The following SRXN1 variants were observed in gnomAD, a reference collection of about 807,000 sequenced individuals.
SRXN1 encodes the protein sulfiredoxin-1.
Under a neutral mutation model 11.0 loss-of-function variants are expected in SRXN1, and 11 were observed. That is an observed-to-expected ratio of 1.00 (90% CI 0.63 to 1.65). The LOEUF is 1.65. SRXN1 is among the 40% of genes most tolerant of loss of function. The pLI is 0.00. For synonymous variants in SRXN1, 106 were observed against 92.8 expected (o/e 1.14, Z -0.82); for missense variants, 211 against 194.5 (o/e 1.08, Z -0.50).
intron 1 of SRXN1, among the ~76,000 whole-genome samples, chr20:650,781 C>A (rs2008022): frequency 0.21 from 31,279 of 152,170 alleles, 4,178 homozygotes; most frequent in East Asian, 0.48. Flanking sequence ...TGAGCTGATG[C>A]CTACCGGGCA....
chr20:653,029 G>A lies in SRXN1; in HGVS notation c.157C>T (p.Leu53=), dbSNP rs1372242017. The A allele has an allele frequency of 7.6e-6, 12 of 1,571,808 alleles. No homozygotes were observed. In the East Asian group the frequency reaches 1.9e-4, roughly 25 times the overall value. The change falls in exon 1 of 2, where the codon CTG becomes TTG. Residue 53 remains leucine (L), a synonymous_variant. Coordinates refer to ENST00000381962, the MANE Select transcript of SRXN1 (RefSeq NM_080725.3). ...NVPLSVLIRP[L]PSVLDPAKVQ... Reference sequence around the variant, plus strand: ...TTGGCGGGGTCCAACACGGACGGCAGCGGCCGGATGAGCACGCTCAGCGGC... The same window carrying A: ...TTGGCGGGGTCCAACACGGACGGCAACGGCCGGATGAGCACGCTCAGCGGC...
Position 648,199 on chromosome 20 carries a change from C to T in SRXN1, c.*515G>A, listed in dbSNP as rs565220131. On this transcript the variant is annotated 3_prime_UTR_variant, in exon 2 of 2. Coordinates refer to ENST00000381962, the MANE Select transcript of SRXN1 (RefSeq NM_080725.3). ...CAGCCATCTTGGGACCATGAAGTAA[C>T]GAGCACTGAGATTAAGGCAAAAGGA... The T allele has an allele frequency of 2.6e-4, 117 of 456,296 alleles. No individual in the cohort carries two copies. The highest frequency in any genetic ancestry group is 1.9e-3 in the African/African-American group (95 of 50,186). 28.3% of individuals were successfully genotyped at this position (456,296 alleles called of 1,614,324 possible). A position where few individuals can be genotyped will look rare whatever the true frequency, so the allele number is the denominator to read the frequency against.
Position 652,497 on chromosome 20 carries a change from A to C in SRXN1, c.210+479T>G, listed in dbSNP as rs192665415. Among the ~76,000 whole-genome samples the C allele has an allele frequency of 2.4e-4, 36 of 152,236 alleles. No individual in the cohort carries two copies. In the East Asian group the frequency reaches 6.6e-3, roughly 28 times the overall value. ...CCTAGTCCCACTGTCACTGACTGTC[A>C]CAGCCATGAGAGCCCACGGCTTATC... On this transcript the variant is annotated intron_variant, in intron 1 of 1. Coordinates refer to ENST00000381962, the MANE Select transcript of SRXN1 (RefSeq NM_080725.3).
chr20:650,240 C>G (rs1983638365), intron 1 of SRXN1, among the ~76,000 whole-genome samples: 1 of 152,070 alleles, frequency 6.6e-6, no homozygotes, highest in Non-Finnish European at 1.5e-5. Context: ...GTGGACAGGG[C>G]ACAGGGCTGG....
At chr20:652,036 A>G (rs1983686425) in intron 1 of SRXN1, among the ~76,000 whole-genome samples, 1 of 152,248 alleles carries the variant, frequency 6.6e-6, no homozygotes, top group Non-Finnish European at 1.5e-5. Context: ...GATGTATAAT[A>G]TAATTTCTGG....
chr20:648,651 C>T lies in SRXN1; in HGVS notation c.*63G>A. Reference sequence around the variant, plus strand: ...CTGCTATCCCTTCTGCATGGCCCAGCCTGCTGGAGGCCAGGTGTGTCTTCT... The same window carrying T: ...CTGCTATCCCTTCTGCATGGCCCAGTCTGCTGGAGGCCAGGTGTGTCTTCT... On this transcript the variant is annotated 3_prime_UTR_variant, in exon 2 of 2. Coordinates refer to ENST00000381962, the MANE Select transcript of SRXN1 (RefSeq NM_080725.3). 6.3e-7 allele frequency: 1 copy of T among 1,582,494 alleles called. No individual in the cohort carries two copies. Among genetic ancestry groups the T allele is most frequent in the African/African-American group, 1.3e-5 (1 of 74,296 alleles).
At position 648,548 on chromosome 20, in the gene SRXN1, G is replaced by T; in HGVS notation, c.*166C>A. The T allele has an allele frequency of 1.4e-6, 1 of 740,428 alleles. No homozygotes were observed. Among genetic ancestry groups the T allele is most frequent in the Non-Finnish European group, 2.3e-6 (1 of 437,218 alleles). The allele number at this position is 740,428 out of a possible 1,614,324, so 45.9% of individuals were successfully genotyped here. A position where few individuals can be genotyped will look rare whatever the true frequency, so the allele number is the denominator to read the frequency against. On this transcript the variant is annotated 3_prime_UTR_variant, in exon 2 of 2. Coordinates refer to ENST00000381962, the MANE Select transcript of SRXN1 (RefSeq NM_080725.3). ...GGAACTGGGGCTCCCACACTGTACA[G>T]TGAGTCCAAGGCCTTGTAGCTGGTG...
intron 1 of SRXN1, among the ~76,000 whole-genome samples, chr20:650,412 A>G (rs1983642841): frequency 6.6e-6 from 1 of 152,082 alleles, no homozygotes; most frequent in African/African-American, 2.4e-5. Flanking sequence ...AAAAGGGAGA[A>G]TCTAAGTTGA....
chr20:648,580 G>A lies in SRXN1; in HGVS notation c.*134C>T. 1 of 981,046 alleles carries A rather than the reference G, an allele frequency of 1.0e-6. No homozygotes were observed. Among genetic ancestry groups the A allele is most frequent in the Non-Finnish European group, 1.6e-6 (1 of 640,178 alleles). 60.8% of individuals were successfully genotyped at this position (981,046 alleles called of 1,614,324 possible). A position where few individuals can be genotyped will look rare whatever the true frequency, so the allele number is the denominator to read the frequency against. ...CAAGGCCTTGTAGCTGGTGAGAGGG[G>A]TGCCCAGAGTCAGACCCTCTCGCCA... On this transcript the variant is annotated 3_prime_UTR_variant, in exon 2 of 2. Coordinates refer to ENST00000381962, the MANE Select transcript of SRXN1 (RefSeq NM_080725.3).
chr20:650,115 G>A (rs922574913), intron 1 of SRXN1, among the ~76,000 whole-genome samples: 6 of 152,206 alleles, frequency 3.9e-5, no homozygotes, highest in Non-Finnish European at 7.3e-5. Context: ...GAGCCAGATG[G>A]TGCAGGTCTG....
Position 647,935 on chromosome 20 carries a change from C to A in SRXN1, c.*779G>T, listed in dbSNP as rs564316547. 3 of 379,426 alleles carry A rather than the reference C, an allele frequency of 7.9e-6. No individual in the cohort carries two copies. Among genetic ancestry groups the A allele is most frequent in the South Asian group, 2.0e-5 (1 of 50,992 alleles). 23.5% of individuals were successfully genotyped at this position (379,426 alleles called of 1,614,324 possible). ...TCTCAGTAGATGGAACACGATTGGT[C>A]TATTCAGCCATGACAATTCTGTTCC... On this transcript the variant is annotated 3_prime_UTR_variant, in exon 2 of 2. Transcript: ENST00000381962.
rs1236600073 is a variant in SRXN1 at position 648,021 on chromosome 20, A to G, written c.*693T>C. On this transcript the variant is annotated 3_prime_UTR_variant, in exon 2 of 2. Transcript: ENST00000381962. ...ATGGTAGCTGGCTCGGGCCAAGGGC[A>G]TCTAAGTGAAGATATGCAGAGGGAG... 2.2e-6 allele frequency: 1 copy of G among 453,862 alleles called. No homozygotes were observed. The highest frequency in any genetic ancestry group is 4.4e-6 in the Non-Finnish European group (1 of 225,386). 28.1% of individuals were successfully genotyped at this position (453,862 alleles called of 1,614,324 possible). A position where few individuals can be genotyped will look rare whatever the true frequency, so the allele number is the denominator to read the frequency against.
At chr20:650,394 G>C (rs985458786) in intron 1 of SRXN1, among the ~76,000 whole-genome samples, 15 of 152,196 alleles carry the variant, frequency 9.9e-5, no homozygotes, top group Non-Finnish European at 2.9e-5. Context: ...TGAATCCAAG[G>C]GCAAGAGAAA....
Position 652,986 on chromosome 20 carries a change from TC to T in SRXN1, c.199del (p.Asp67ThrfsTer59). 1 of 1,544,462 alleles carries T rather than the reference TC, an allele frequency of 6.5e-7. No individual in the cohort carries two copies. Among genetic ancestry groups the T allele is most frequent in the Non-Finnish European group, 8.7e-7 (1 of 1,145,502 alleles). ...LDPAKVQSLV[D>X]TIREDPDSVP... ...TCCCCGAGGCCTCACCCGGATCGTG[TC>T]CACGAGGCTCTGCACCTTGGCGGGG... On this transcript the variant is annotated frameshift_variant, in exon 1 of 2. Coordinates refer to ENST00000381962, the MANE Select transcript of SRXN1 (RefSeq NM_080725.3). LOFTEE classifies it high-confidence loss of function.
At chr20:649,714 A>AG (rs1457672451) in intron 1 of SRXN1, among the ~76,000 whole-genome samples, 13 of 152,130 alleles carry the variant, frequency 8.5e-5, no homozygotes, top group African/African-American at 2.9e-4. Context: ...AAAAAAAAAA[A>AG]AAAGAGAGAA....
At chr20:649,076 A>ATCACCTT (rs1983610436) in intron 1 of SRXN1, among the ~76,000 whole-genome samples, 159 bp from the exon 2 acceptor site, 1 of 152,246 alleles carries the variant, frequency 6.6e-6, no homozygotes, top group Non-Finnish European at 1.5e-5. Context: ...GCTGTTCGAC[A>ATCACCTT]TCACCTTGTA....
Position 648,212 on chromosome 20 carries a change from T to G in SRXN1, c.*502A>C, listed in dbSNP as rs1399826465. On this transcript the variant is annotated 3_prime_UTR_variant, in exon 2 of 2. Transcript: ENST00000381962. ...ACCATGAAGTAACGAGCACTGAGAT[T>G]AAGGCAAAAGGATCCAAGACGTGAC... The G allele has an allele frequency of 2.2e-6, 1 of 456,344 alleles. No individual in the cohort carries two copies. Among genetic ancestry groups the G allele is most frequent in the South Asian group, 1.5e-5 (1 of 64,566 alleles). The allele number at this position is 456,344 out of a possible 1,614,324, so 28.3% of individuals were successfully genotyped here. A position where few individuals can be genotyped will look rare whatever the true frequency, so the allele number is the denominator to read the frequency against.
rs765041242 is a variant in SRXN1, at chr20:648,816, G to A, written c.312C>T (p.Ala104=). The change falls in exon 2 of 2, where the codon GCC becomes GCT. Residue 104 remains alanine (A), a synonymous_variant. Coordinates refer to ENST00000381962, the MANE Select transcript of SRXN1 (RefSeq NM_080725.3). Reference sequence around the variant, plus strand: ...TGGTCTCTCGCTGCAGTTGCTGGTAGGCCGCGTAGCGGTGGCAGCCCCCAA... The same window carrying A: ...TGGTCTCTCGCTGCAGTTGCTGGTAAGCCGCGTAGCGGTGGCAGCCCCCAA... The part of the protein sequence containing the change: ...YSFGGCHRYA[A]YQQLQRETIP... 1 of 1,614,084 alleles carries A rather than the reference G, an allele frequency of 6.2e-7. No individual in the cohort carries two copies. Among genetic ancestry groups the A allele is most frequent in the Admixed American group, 1.7e-5 (1 of 60,010 alleles).
At chr20:651,942 C>A (rs1983684207) in intron 1 of SRXN1, among the ~76,000 whole-genome samples, 1 of 152,194 alleles carries the variant, frequency 6.6e-6, no homozygotes, top group Non-Finnish European at 1.5e-5. Flanking sequence ...ACTATTGTGG[C>A]AACAGATAAG....
Sources: gnomAD v4.1 joint callset for allele counts (sites outside exome capture counted in the v4.1 genomes callset) on GRCh38, gnomAD v4.1.1 for gene constraint, MANE v1.5 for transcripts, NCBI Gene and HGNC (gene_info 2026-07-23, HGNC 2026-07-21) for gene names.